SSPN: variants seen among roughly 807,000 people sequenced by gnomAD.
SSPN encodes K-ras oncogene-associated protein.
A neutral mutation model predicts 19.1 loss-of-function variants in SSPN; 15 were observed. The observed-to-expected ratio is 0.78, with a 90% confidence interval of 0.52 to 1.21. The LOEUF (loss-of-function observed/expected upper bound fraction) is 1.21, where lower values mean the gene tolerates loss of function less well. Among genes scored for constraint, SSPN ranks in the 50% most tolerant of loss-of-function variants. SSPN has a pLI of 0.00. For missense variants in SSPN, 291 were observed against 314.0 expected (o/e 0.93, Z 0.55); for synonymous variants, 147 against 140.3 (o/e 1.05, Z -0.34).
intron 1 of SSPN, chr12:26,214,791 GA>G (rs1945028313): frequency 2.0e-5 from 3 of 151,960 alleles, no homozygotes; most frequent in South Asian, 4.2e-4. Context: ...AAAATATAAT[GA>G]AAAAGAATTA....
At chr12:26,137,636 G>GTATGTATATATATATATATA (rs1555175654) in intron 1 of SSPN, among the ~76,000 whole-genome samples, 8 of 31,380 alleles carry the variant, frequency 2.5e-4, no homozygotes, top group African/African-American at 5.0e-4. Context: ...GTGTGTGTAT[G>GTATGTATATATATATATATA]TATATATATA....
intron 1 of SSPN, among the ~76,000 whole-genome samples, chr12:26,171,396 C>A (rs979888220): frequency 3.9e-5 from 6 of 152,098 alleles, no homozygotes; most frequent in Admixed American, 1.3e-4. Context: ...GTTTGGTGAC[C>A]CCTGGAGGTC....
chr12:26,159,859 C>T (rs1944577013), intron 1 of SSPN, among the ~76,000 whole-genome samples: 1 of 152,194 alleles, frequency 6.6e-6, no homozygotes, highest in Non-Finnish European at 1.5e-5. Flanking sequence ...AAGCCCAGTG[C>T]CTGGGAGACA....
intron 1 of SSPN, among the ~76,000 whole-genome samples, chr12:26,208,618 A>C (rs771413201): frequency 7.1e-4 from 108 of 151,740 alleles, no homozygotes; most frequent in Non-Finnish European, 1.4e-3. Context: ...TATGGATTTG[A>C]TGTAGTTTAA....
At chr12:26,125,081 A>G in intron 1 of SSPN, 1 of 424,180 alleles carries the variant, frequency 2.4e-6, no homozygotes, top group Non-Finnish European at 4.4e-6. Context: ...CACCCAGCTC[A>G]CGTGCGGAAC....
chr12:26,182,924 G>A (rs899746750), intron 1 of SSPN, among the ~76,000 whole-genome samples: 7 of 151,764 alleles, frequency 4.6e-5, no homozygotes, highest in Non-Finnish European at 7.4e-5. Flanking sequence ...CACCACGGCC[G>A]GCTAATTTTC....
intron 1 of SSPN, among the ~76,000 whole-genome samples, chr12:26,210,259 T>G (rs2137478172): frequency 6.6e-6 from 1 of 152,188 alleles, no homozygotes; most frequent in East Asian, 1.9e-4. Context: ...TTTATAAATA[T>G]TTTGCTATGT....
At chr12:26,128,426 CTT>C (rs779701645) in intron 1 of SSPN, among the ~76,000 whole-genome samples, 1 of 152,184 alleles carries the variant, frequency 6.6e-6, no homozygotes, top group Non-Finnish European at 1.5e-5. Context: ...CTAATTAACT[CTT>C]ATAATTTTGT....
intron 1 of SSPN, among the ~76,000 whole-genome samples, chr12:26,222,640 G>T (rs1945133951): frequency 6.6e-6 from 1 of 152,188 alleles, no homozygotes; most frequent in South Asian, 2.1e-4. Context: ...TTTCTATTTT[G>T]AAAGTGTGGA....
intron 1 of SSPN, among the ~76,000 whole-genome samples, chr12:26,160,745 T>A (rs930172868): frequency 7.9e-5 from 12 of 152,142 alleles, no homozygotes; most frequent in Admixed American, 2.6e-4. Flanking sequence ...TCTTATCCTA[T>A]GAGCCTCATG....
At chr12:26,159,536 GC>G (rs753058452) in intron 1 of SSPN, among the ~76,000 whole-genome samples, 1 of 152,238 alleles carries the variant, frequency 6.6e-6, no homozygotes, top group Non-Finnish European at 1.5e-5. Flanking sequence ...GCCCCACTGA[GC>G]CATCACTGAT....
intron 1 of SSPN, among the ~76,000 whole-genome samples, chr12:26,205,812 T>C (rs1944926212): frequency 1.3e-5 from 2 of 152,320 alleles, no homozygotes; most frequent in African/African-American, 2.4e-5. Flanking sequence ...TTTTAGTTTA[T>C]GAGTTACATG....
At chr12:26,141,581 T>G (rs898164259) in intron 1 of SSPN, among the ~76,000 whole-genome samples, 1 of 152,218 alleles carries the variant, frequency 6.6e-6, no homozygotes, top group Non-Finnish European at 1.5e-5. Context: ...ATCATTTGGA[T>G]TACCAGAATC....
At chr12:26,184,765 T>G (rs1944741507) in intron 1 of SSPN, among the ~76,000 whole-genome samples, 1 of 152,132 alleles carries the variant, frequency 6.6e-6, no homozygotes, top group African/African-American at 2.4e-5. Flanking sequence ...TGAAAAAAAC[T>G]TCTCTCATAG....
At chr12:26,225,481 A>T (rs957349654) in intron 2 of SSPN, among the ~76,000 whole-genome samples, 2 of 152,202 alleles carry the variant, frequency 1.3e-5, no homozygotes, top group South Asian at 4.1e-4. Flanking sequence ...ACAATTATCT[A>T]TGAGTGGTGG....
intron 1 of SSPN, among the ~76,000 whole-genome samples, chr12:26,202,984 A>G (rs538082210): frequency 6.6e-6 from 1 of 152,304 alleles, no homozygotes; most frequent in South Asian, 2.1e-4. Context: ...GCAAAGGAGA[A>G]GCAAATCATA....
At chr12:26,200,971 G>C (rs886497420) in intron 1 of SSPN, among the ~76,000 whole-genome samples, 6 of 131,702 alleles carry the variant, frequency 4.6e-5, no homozygotes, top group Admixed American at 2.5e-4. Flanking sequence ...TATAAAAATG[G>C]AATGCAATTG....
intron 1 of SSPN, among the ~76,000 whole-genome samples, chr12:26,223,335 C>T (rs994334512): frequency 2.0e-5 from 3 of 152,180 alleles, no homozygotes; most frequent in East Asian, 1.9e-4. Flanking sequence ...CTCAGCCTCC[C>T]GAGTACCTGG....
rs942922752 is a variant in SSPN, at chr12:26,231,131, C to G, written c.*55C>G. The G allele has an allele frequency of 1.4e-6, 2 of 1,461,810 alleles. No individual in the cohort carries two copies. The highest frequency in any genetic ancestry group is 1.8e-6 in the Non-Finnish European group (2 of 1,105,330). 90.6% of individuals were successfully genotyped at this position (1,461,810 alleles called of 1,614,324 possible). A position where few individuals can be genotyped will look rare whatever the true frequency, so the allele number is the denominator to read the frequency against. Reference sequence around the variant, plus strand: ...AGCACATGGAGTAGCTGAGGTTAAACAAACAAAAAAAAATTTTAAACAAAG... The same window carrying G: ...AGCACATGGAGTAGCTGAGGTTAAAGAAACAAAAAAAAATTTTAAACAAAG... On this transcript the variant is annotated 3_prime_UTR_variant, in exon 3 of 3. Transcript: ENST00000242729.
Sources: allele counts gnomAD v4.1 joint callset (sites outside exome capture counted in the v4.1 genomes callset), GRCh38; gene constraint gnomAD v4.1.1; transcripts MANE v1.5; gene names NCBI Gene and HGNC (gene_info 2026-07-23, HGNC 2026-07-21).